The following HPCAL1 variants were observed in gnomAD, a reference collection of about 807,000 sequenced individuals.
The protein encoded by HPCAL1 is hippocalcin like 1.
In HPCAL1, 8 loss-of-function variants were observed where a neutral mutation model predicts 17.1. The ratio of observed to expected loss-of-function variants is 0.47; its 90% CI spans 0.27 to 0.84. The LOEUF (loss-of-function observed/expected upper bound fraction) is 0.84, where lower values mean the gene tolerates loss of function less well. Among genes scored for constraint, HPCAL1 ranks in the 40% least tolerant of loss-of-function variants. The pLI, the probability that HPCAL1 is intolerant of heterozygous loss-of-function variation, is 0.13. For missense variants in HPCAL1, 165 were observed against 271.1 expected, an observed-to-expected ratio of 0.61 and a Z score of 2.75; for synonymous variants, 112 against 111.4, an observed-to-expected ratio of 1.01 and a Z score of -0.03.
chr2:10,396,424 T>C (rs918669118), intron 1 of HPCAL1, among the ~76,000 whole-genome samples: 14 of 151,854 alleles, frequency 9.2e-5, no homozygotes, highest in African/African-American at 3.4e-4. Context: ...GGGTGCAGAG[T>C]GTAGAGTGCT....
In HPCAL1 at chr2:10,331,449, AC is replaced by A; in HGVS notation, c.-111+28274del. The stretch of plus-strand genomic sequence containing the variant: ...CTTCATGTCCCTTGTCCCACAGGAC[AC>A]CGTTTCTGAACCCAGGAGACACTCA... On this transcript the variant is annotated intron_variant, in intron 1 of 4. Transcript: ENST00000307845. The surrounding 1 kb of genome is among the most constrained non-coding windows in gnomAD (Gnocchi z 5.0). Among the ~76,000 whole-genome samples, 1 of 152,218 alleles carries A rather than the reference AC, an allele frequency of 6.6e-6. No individual in the cohort carries two copies. The highest frequency in any genetic ancestry group is 1.9e-4 in the East Asian group (1 of 5,164).
At chr2:10,316,675 C>T (rs1663334282) in intron 1 of HPCAL1, among the ~76,000 whole-genome samples, 1 of 152,124 alleles carries the variant, frequency 6.6e-6, no homozygotes, top group Non-Finnish European at 1.5e-5. Flanking sequence ...AAGATTAATT[C>T]CAGGGTGAAC....
At position 10,382,596 on chromosome 2, in the gene HPCAL1, A is replaced by T. The variant is rs867109440; in HGVS notation, c.-110-14239A>T. 9.3e-3 allele frequency among the ~76,000 whole-genome samples: 1,329 copies of T among 142,914 alleles called. 33 individuals carry two copies. Among genetic ancestry groups the T allele is most frequent in the African/African-American group, 0.032 (1,269 of 39,320 alleles). The allele number at this position is 142,914 out of a possible 152,430, so 93.8% of individuals were successfully genotyped here. A position where few individuals can be genotyped will look rare whatever the true frequency, so the allele number is the denominator to read the frequency against. On this transcript the variant is annotated intron_variant, in intron 1 of 4. Coordinates refer to ENST00000307845, the MANE Select transcript of HPCAL1 (RefSeq NM_002149.4). Reference sequence around the variant, plus strand: ...CTAAAAAATAAAGTTCATTAATTAAAAAAAAAAAAAAAAAAAAGGGAAATG... The same window carrying T: ...CTAAAAAATAAAGTTCATTAATTAATAAAAAAAAAAAAAAAAAGGGAAATG...
chr2:10,333,182 A>G (rs553189132), intron 1 of HPCAL1, among the ~76,000 whole-genome samples: 1 of 152,226 alleles, frequency 6.6e-6, no homozygotes, highest in Non-Finnish European at 1.5e-5. Flanking sequence ...TTCTCTTTTT[A>G]AAGTTTACTA....
At chr2:10,420,642 C>CTA (rs1261168360) in intron 3 of HPCAL1, among the ~76,000 whole-genome samples, 3 of 152,214 alleles carry the variant, frequency 2.0e-5, no homozygotes, top group Non-Finnish European at 4.4e-5. Context: ...TGATCACTTG[C>CTA]TATACATCAG....
Position 10,419,423 on chromosome 2 carries a change from G to A in HPCAL1, c.-24-311G>A, listed in dbSNP as rs561082264. ...GAACTGATTTTAATCTTCGCCTCTC[G>A]TACAACCCCTGGTGGGCACCGGATG... On this transcript the variant is annotated intron_variant, in intron 2 of 4. Coordinates refer to ENST00000307845, the MANE Select transcript of HPCAL1 (RefSeq NM_002149.4). This position sits in a 1 kb window ranked among gnomAD's most constrained non-coding sequence, Gnocchi z 5.0. 3.3e-5 allele frequency among the ~76,000 whole-genome samples: 5 copies of A among 152,284 alleles called. No individual in the cohort carries two copies. In the East Asian group the frequency reaches 9.7e-4, roughly 29 times the overall value.
chr2:10,347,539 C>T (rs1056258422), intron 1 of HPCAL1, among the ~76,000 whole-genome samples: 1 of 152,174 alleles, frequency 6.6e-6, no homozygotes, highest in African/African-American at 2.4e-5. Context: ...GGAAGTGCCT[C>T]CTGCCACCCT....
chr2:10,403,717 A>T (rs1669790336), intron 2 of HPCAL1, among the ~76,000 whole-genome samples: 1 of 152,012 alleles, frequency 6.6e-6, no homozygotes, highest in East Asian at 1.9e-4. Flanking sequence ...TCCTGACTTC[A>T]GGTGATCCGC....
At chr2:10,353,332 C>T (rs1412047488) in intron 1 of HPCAL1, among the ~76,000 whole-genome samples, 8 of 152,170 alleles carry the variant, frequency 5.3e-5, no homozygotes, top group Admixed American at 5.2e-4. Flanking sequence ...AGCACAGTCT[C>T]AGAAGGAAAG....
In HPCAL1 at chr2:10,343,856, G is replaced by T. The variant is rs1292393681; in HGVS notation, c.-111+40679G>T. Among the ~76,000 whole-genome samples the T allele has an allele frequency of 6.6e-6, 1 of 152,196 alleles. No homozygotes were observed. The highest frequency in any genetic ancestry group is 1.5e-5 in the Non-Finnish European group (1 of 68,034). On this transcript the variant is annotated intron_variant, in intron 1 of 4. Coordinates refer to ENST00000307845, the MANE Select transcript of HPCAL1 (RefSeq NM_002149.4). This position sits in a 1 kb window ranked among gnomAD's most constrained non-coding sequence, Gnocchi z 4.8. Reference sequence around the variant, plus strand: ...AAAGAGAAGAGGGGGCAGGCCTCAGGGATGAACACATGGCCCATGGCTGTG... The same window carrying T: ...AAAGAGAAGAGGGGGCAGGCCTCAGTGATGAACACATGGCCCATGGCTGTG...
At position 10,330,441 on chromosome 2, in the gene HPCAL1, C is replaced by T. The variant is rs957498482; in HGVS notation, c.-111+27264C>T. On this transcript the variant is annotated intron_variant, in intron 1 of 4. Transcript: ENST00000307845. The surrounding 1 kb of genome is among the most constrained non-coding windows in gnomAD (Gnocchi z 4.2). The stretch of plus-strand genomic sequence containing the variant: ...ATTAGTCAGCTCTGGCTGCTGGAAA[C>T]GGGGTCATAGTCTGGGTGCCTTAAA... Among the ~76,000 whole-genome samples, 4 of 152,082 alleles carry T rather than the reference C, an allele frequency of 2.6e-5. No homozygotes were observed. The highest frequency in any genetic ancestry group is 2.1e-4 in the South Asian group (1 of 4,822).
intron 1 of HPCAL1, among the ~76,000 whole-genome samples, chr2:10,380,530 C>T (rs1667873900): frequency 6.6e-6 from 1 of 152,208 alleles, no homozygotes; most frequent in Non-Finnish European, 1.5e-5. Context: ...CTGCCATCAC[C>T]CACTGGCCTC....
chr2:10,409,617 G>A (rs1051901922), intron 2 of HPCAL1, among the ~76,000 whole-genome samples: 1 of 152,074 alleles, frequency 6.6e-6, no homozygotes, highest in Non-Finnish European at 1.5e-5. Flanking sequence ...GGATAAGAAA[G>A]AGCACAAACC....
chr2:10,361,473 CT>C (rs926133141), intron 1 of HPCAL1, among the ~76,000 whole-genome samples: 58 of 152,216 alleles, frequency 3.8e-4, no homozygotes, highest in African/African-American at 1.4e-3. Flanking sequence ...TCTCATTGTT[CT>C]TGGGAAACCA....
rs1462808284 is a variant in HPCAL1 at position 10,363,285 on chromosome 2, A to G, written c.-110-33550A>G. On this transcript the variant is annotated intron_variant, in intron 1 of 4. Transcript: ENST00000307845. The surrounding 1 kb of genome is among the most constrained non-coding windows in gnomAD (Gnocchi z 4.7). ...CTGCAGCCCTTCTGAGGTCACTGCCACACCATGGCAAGAAAAGTATTTCTG... is the reference window on the plus strand; with the variant it reads ...CTGCAGCCCTTCTGAGGTCACTGCCGCACCATGGCAAGAAAAGTATTTCTG... Among the ~76,000 whole-genome samples the G allele has an allele frequency of 6.6e-6, 1 of 152,116 alleles. No individual in the cohort carries two copies. Among genetic ancestry groups the G allele is most frequent in the Non-Finnish European group, 1.5e-5 (1 of 68,034 alleles).
intron 1 of HPCAL1, among the ~76,000 whole-genome samples, chr2:10,372,475 G>A (rs543497676): frequency 1.3e-5 from 2 of 152,258 alleles, no homozygotes; most frequent in Admixed American, 6.5e-5. Context: ...ACAGGCGAGC[G>A]TATGGCTGTG....
intron 1 of HPCAL1, among the ~76,000 whole-genome samples, chr2:10,376,588 AC>A (rs1667571998): frequency 6.6e-6 from 1 of 151,942 alleles, no homozygotes; most frequent in African/African-American, 2.4e-5. Flanking sequence ...GGCGTGCATC[AC>A]CACACCTGGT....
intron 2 of HPCAL1, among the ~76,000 whole-genome samples, chr2:10,399,525 G>C (rs74171479): frequency 1.4e-5 from 1 of 72,348 alleles, no homozygotes; most frequent in African/African-American, 5.6e-5. Flanking sequence ...CGCCACCACC[G>C]CCACTGCCAC....
intron 1 of HPCAL1, among the ~76,000 whole-genome samples, chr2:10,337,591 C>T (rs891543418): frequency 1.3e-5 from 2 of 152,218 alleles, no homozygotes; most frequent in Non-Finnish European, 2.9e-5. Context: ...CTCCACTCCT[C>T]CACTGACAAG....
Sources: gnomAD v4.1 joint callset for allele counts (sites outside exome capture counted in the v4.1 genomes callset) on GRCh38, gnomAD v4.1.1 for gene constraint, Gnocchi (gnomAD v3.1) non-coding constraint, MANE v1.5 for transcripts, NCBI Gene and HGNC (gene_info 2026-07-23, HGNC 2026-07-21) for gene names.